DNM3: variants seen among roughly 807,000 people sequenced by gnomAD.
DNM3 encodes dynamin 3.
A neutral mutation model predicts 101.6 loss-of-function variants in DNM3; 47 were observed. The ratio of observed to expected loss-of-function variants is 0.46; its 90% CI spans 0.37 to 0.59. The LOEUF (loss-of-function observed/expected upper bound fraction) is 0.59. Among genes scored for constraint, DNM3 ranks in the 20% least tolerant of loss-of-function variants. The probability of loss-of-function intolerance (pLI) is 0.00; values close to 1 mark genes in which losing one functional copy is unlikely to be tolerated. For synonymous variants in DNM3, 385 were observed against 387.9 expected, an observed-to-expected ratio of 0.99 and a Z score of 0.09; for missense variants, 849 against 1,085.7, an observed-to-expected ratio of 0.78 and a Z score of 3.06.
downstream of DNM3, among the ~76,000 whole-genome samples, chr1:172,415,850 G>T (rs143238157): frequency 2.4e-4 from 36 of 152,042 alleles, no homozygotes; most frequent in East Asian, 5.8e-3. Context: ...GATTTTAACA[G>T]AAAAGAAAAA....
At chr1:171,991,614 G>A (rs2045635676) in intron 4 of DNM3, among the ~76,000 whole-genome samples, 1 of 152,100 alleles carries the variant, frequency 6.6e-6, no homozygotes, top group Non-Finnish European at 1.5e-5. Flanking sequence ...GGATTTTTAT[G>A]GAAGCTTCAT....
chr1:172,087,635 A>G (rs2053622793), intron 12 of DNM3, among the ~76,000 whole-genome samples: 4 of 152,050 alleles, frequency 2.6e-5, no homozygotes, highest in Admixed American at 2.6e-4. Context: ...ATCCATCTTT[A>G]CCAAGTTCAT....
intron 14 of DNM3, among the ~76,000 whole-genome samples, chr1:172,191,524 T>C (rs1310069670): frequency 6.6e-6 from 1 of 152,182 alleles, no homozygotes; most frequent in Admixed American, 6.6e-5. Context: ...CATATGAACT[T>C]GAAAGTAGTT....
chr1:172,078,241 T>C lies in DNM3; in HGVS notation c.1423-3591T>C, dbSNP rs545141571. ...CTGGGTAGCTGGGATTACAGGCACC[T>C]GCCACCACACCCAGCTAATTTTTTG... On this transcript the variant is annotated intron_variant, in intron 11 of 20. Coordinates refer to ENST00000627582, the MANE Select transcript of DNM3 (RefSeq NM_015569.5). 9.2e-5 allele frequency among the ~76,000 whole-genome samples: 14 copies of C among 152,128 alleles called. No homozygotes were observed. The South Asian group carries it at 2.1e-3, about 23-fold the overall frequency.
downstream of DNM3, among the ~76,000 whole-genome samples, chr1:172,415,823 C>A (rs888088941): frequency 6.6e-6 from 1 of 152,110 alleles, no homozygotes; most frequent in Non-Finnish European, 1.5e-5. Flanking sequence ...AGCCACTGCA[C>A]CTGGCCTTTT....
rs371203598 is a variant in DNM3 at position 172,033,315 on chromosome 1, G to T, written c.849+50G>T. On this transcript the variant is annotated intron_variant, in intron 6 of 20. Transcript: ENST00000627582. ...AGAACAATTATGAAATATGTAAGTA[G>T]GTGCTGGAATTCATATTTATTATTT... 1.1e-5 allele frequency: 17 copies of T among 1,480,610 alleles called. No individual in the cohort carries two copies. In the African/African-American group the frequency reaches 2.3e-4, roughly 20 times the overall value. The allele number at this position is 1,480,610 out of a possible 1,614,324, so 91.7% of individuals were successfully genotyped here.
At chr1:172,113,705 G>T (rs1261647843) in intron 13 of DNM3, among the ~76,000 whole-genome samples, 1 of 150,568 alleles carries the variant, frequency 6.6e-6, no homozygotes, top group Non-Finnish European at 1.5e-5. Flanking sequence ...TCAAAAATTG[G>T]TCTTGACAAA....
intron 1 of DNM3, among the ~76,000 whole-genome samples, chr1:171,911,839 G>A (rs2039335594): frequency 6.6e-6 from 1 of 152,016 alleles, no homozygotes; most frequent in African/African-American, 2.4e-5. Flanking sequence ...TCACTGGCTG[G>A]TTTGTCTTCC....
chr1:172,103,592 A>C (rs2054805265), intron 13 of DNM3, among the ~76,000 whole-genome samples: 2 of 152,194 alleles, frequency 1.3e-5, no homozygotes, highest in South Asian at 4.1e-4. Context: ...CATAGACCCA[A>C]CAACTATATA....
At chr1:171,901,247 A>G (rs185456207) in intron 1 of DNM3, among the ~76,000 whole-genome samples, 98 of 152,298 alleles carry the variant, frequency 6.4e-4, no homozygotes, top group African/African-American at 2.1e-3. Flanking sequence ...ACAGAAAAAA[A>G]AATCATCTAT....
intron 15 of DNM3, among the ~76,000 whole-genome samples, chr1:172,280,577 C>T (rs2063453823): frequency 6.6e-6 from 1 of 152,140 alleles, no homozygotes; most frequent in Non-Finnish European, 1.5e-5. Context: ...TTAATGATAA[C>T]TACATGTTTT....
At chr1:172,413,506 T>C (rs9425307), downstream of DNM3, among the ~76,000 whole-genome samples, 137,639 of 152,214 alleles carry the variant, frequency 0.9, 62,303 homozygotes, top group East Asian at 1. Context: ...GGATTACAGG[T>C]GTGAGCCACC....
chr1:172,396,785 A>G (rs1241076269), intron 20 of DNM3, among the ~76,000 whole-genome samples: 2 of 152,264 alleles, frequency 1.3e-5, no homozygotes, highest in Non-Finnish European at 2.9e-5. Context: ...ATTTAAATAT[A>G]TAACATTCAT....
At position 171,862,209 on chromosome 1, in the gene DNM3, T is replaced by C. The variant is rs186620863; in HGVS notation, c.161+20392T>C. On this transcript the variant is annotated intron_variant, in intron 1 of 20. Coordinates refer to ENST00000627582, the MANE Select transcript of DNM3 (RefSeq NM_015569.5). The stretch of plus-strand genomic sequence containing the variant: ...GTTAAACATAGTTATCATAATGTTA[T>C]ACGAAACAATTCAACTCCTAGATTC... Among the ~76,000 whole-genome samples the C allele has an allele frequency of 2.5e-3, 377 of 152,246 alleles. 1 individual carries two copies. Among genetic ancestry groups the C allele is most frequent in the African/African-American group, 8.8e-3 (366 of 41,554 alleles).
intron 4 of DNM3, among the ~76,000 whole-genome samples, chr1:171,996,649 C>T (rs1322782280): frequency 6.6e-6 from 1 of 152,068 alleles, no homozygotes; most frequent in East Asian, 1.9e-4. Flanking sequence ...TTCTTTGAAC[C>T]TTATTACTTA....
chr1:172,030,563 A>T (rs1343644800), intron 4 of DNM3, among the ~76,000 whole-genome samples: 1 of 152,222 alleles, frequency 6.6e-6, no homozygotes, highest in Non-Finnish European at 1.5e-5. Flanking sequence ...ATCTAATTAA[A>T]CTAGAGAGCT....
At chr1:171,940,076 T>C (rs2041710695) in intron 2 of DNM3, among the ~76,000 whole-genome samples, 1 of 152,118 alleles carries the variant, frequency 6.6e-6, no homozygotes, top group Non-Finnish European at 1.5e-5. Flanking sequence ...GTTTAAGAAG[T>C]TGGTTGTTAG....
chr1:172,151,631 G>T (rs767529879), intron 14 of DNM3, among the ~76,000 whole-genome samples: 2 of 152,160 alleles, frequency 1.3e-5, no homozygotes, highest in Admixed American at 6.5e-5. Context: ...TGAAAAGCTA[G>T]TAGATTATTA....
chr1:171,968,774 G>C (rs1359238960), intron 2 of DNM3, among the ~76,000 whole-genome samples: 1 of 151,992 alleles, frequency 6.6e-6, no homozygotes, highest in Non-Finnish European at 1.5e-5. Context: ...TGCTTACTAA[G>C]CTATACTAAG....
Sources: gnomAD v4.1 joint callset for allele counts (sites outside exome capture counted in the v4.1 genomes callset) on GRCh38, gnomAD v4.1.1 for gene constraint, MANE v1.5 for transcripts, NCBI Gene and HGNC (gene_info 2026-07-23, HGNC 2026-07-21) for gene names.